MYRIP: variants seen among roughly 807,000 people sequenced by gnomAD.
The protein encoded by MYRIP is myosin VIIA and Rab interacting protein.
A neutral mutation model predicts 98.0 loss-of-function variants in MYRIP; 49 were observed. The ratio of observed to expected loss-of-function variants is 0.50; its 90% confidence interval spans 0.40 to 0.63. The LOEUF is 0.63. Ranked by LOEUF, MYRIP falls within the 30% of genes least tolerant of loss-of-function variation. The pLI is 0.00. For missense variants in MYRIP, 1,004 were observed against 1,058.2 expected, an observed-to-expected ratio of 0.95 and a Z score of 0.71; for synonymous variants, 404 against 409.5, an observed-to-expected ratio of 0.99 and a Z score of 0.16.
chr3:39,947,690 C>T (rs1006824856), intron 2 of MYRIP, among the ~76,000 whole-genome samples: 48 of 152,250 alleles, frequency 3.2e-4, no homozygotes, highest in Admixed American at 3.1e-3. Flanking sequence ...ATCACTTGAA[C>T]CTGGTAATTT....
chr3:39,817,566 T>G (rs540745998), intron 1 of MYRIP, among the ~76,000 whole-genome samples: 46 of 152,330 alleles, frequency 3.0e-4, no homozygotes, highest in South Asian at 1.5e-3. Context: ...AATAATATAT[T>G]TAATTCAGTA....
At chr3:39,870,498 C>G (rs1176595788) in intron 1 of MYRIP, among the ~76,000 whole-genome samples, 1 of 152,180 alleles carries the variant, frequency 6.6e-6, no homozygotes, top group Non-Finnish European at 1.5e-5. Context: ...GGCTATAGAA[C>G]TGCCTTAAGG....
chr3:40,038,709 T>C (rs1947438765), intron 2 of MYRIP, among the ~76,000 whole-genome samples: 1 of 151,854 alleles, frequency 6.6e-6, no homozygotes, highest in South Asian at 2.1e-4. Flanking sequence ...AATTTAAAAA[T>C]ATGGGGACAG....
At chr3:39,882,474 A>G (rs1395269466) in intron 1 of MYRIP, among the ~76,000 whole-genome samples, 1 of 152,170 alleles carries the variant, frequency 6.6e-6, no homozygotes, top group Non-Finnish European at 1.5e-5. Flanking sequence ...ATTATTTTAA[A>G]TATTATTTTA....
chr3:39,814,333 T>C (rs999165466), intron 1 of MYRIP, among the ~76,000 whole-genome samples: 2 of 152,208 alleles, frequency 1.3e-5, no homozygotes, highest in Non-Finnish European at 2.9e-5. Flanking sequence ...TTACTGCTCT[T>C]TTACTTTGCA....
At chr3:39,902,084 GTTTTT>G (rs1943756157) in intron 2 of MYRIP, among the ~76,000 whole-genome samples, 1 of 152,136 alleles carries the variant, frequency 6.6e-6, no homozygotes, top group Non-Finnish European at 1.5e-5. Flanking sequence ...CGTCCCCAAG[GTTTTT>G]TGGCATAGGA....
intron 1 of MYRIP, among the ~76,000 whole-genome samples, chr3:39,871,540 G>A (rs998578997): frequency 2.0e-5 from 3 of 152,122 alleles, no homozygotes; most frequent in Non-Finnish European, 4.4e-5. Context: ...CCCAGTGACA[G>A]TGGTCAACTT....
At chr3:40,164,945 C>T (rs1355277557) in intron 5 of MYRIP, among the ~76,000 whole-genome samples, 1 of 152,196 alleles carries the variant, frequency 6.6e-6, no homozygotes, top group African/African-American at 2.4e-5. Context: ...TACATGAGAG[C>T]ATGGACTCAG....
intron 8 of MYRIP, among the ~76,000 whole-genome samples, chr3:40,181,686 T>C (rs1474177475): frequency 6.6e-6 from 1 of 152,232 alleles, no homozygotes; most frequent in Non-Finnish European, 1.5e-5. Context: ...ATTATATATC[T>C]ATAATGCAAT....
intron 2 of MYRIP, among the ~76,000 whole-genome samples, chr3:39,974,101 T>A (rs893412345): frequency 3.3e-5 from 5 of 152,004 alleles, no homozygotes; most frequent in Non-Finnish European, 7.4e-5. Context: ...AAAAAATCAA[T>A]GAATCCAGGA....
intron 1 of MYRIP, among the ~76,000 whole-genome samples, chr3:39,842,246 T>G (rs752624545): frequency 6.6e-6 from 1 of 152,134 alleles, no homozygotes; most frequent in Non-Finnish European, 1.5e-5. Flanking sequence ...TCCAGGTGGC[T>G]TCGTTTATAC....
chr3:39,991,452 C>T (rs963504199), intron 2 of MYRIP, among the ~76,000 whole-genome samples: 6 of 152,276 alleles, frequency 3.9e-5, no homozygotes, highest in African/African-American at 1.2e-4. Flanking sequence ...GTGCTGATGT[C>T]CATTTGGACA....
chr3:40,014,129 CTG>C (rs1400807873), intron 2 of MYRIP, among the ~76,000 whole-genome samples: 2 of 152,134 alleles, frequency 1.3e-5, no homozygotes, highest in East Asian at 1.9e-4. Context: ...TCCTGTGAAA[CTG>C]TGATGATTTA....
At chr3:39,854,072 T>G (rs1942216012) in intron 1 of MYRIP, among the ~76,000 whole-genome samples, 1 of 152,182 alleles carries the variant, frequency 6.6e-6, no homozygotes. Context: ...AGTATTTGGC[T>G]TTATTTTGGG....
intron 3 of MYRIP, among the ~76,000 whole-genome samples, chr3:40,058,110 G>C (rs1947919634): frequency 6.6e-6 from 1 of 152,158 alleles, no homozygotes; most frequent in Non-Finnish European, 1.5e-5. Context: ...TTCTCAATGT[G>C]TAGTACTTCT....
intron 2 of MYRIP, among the ~76,000 whole-genome samples, chr3:39,937,097 A>T (rs1944670560): frequency 6.6e-6 from 1 of 152,014 alleles, no homozygotes; most frequent in African/African-American, 2.4e-5. Flanking sequence ...TCTTGCTCCA[A>T]CCCAGGTTAA....
At chr3:40,054,095 A>G (rs1025401533) in intron 3 of MYRIP, among the ~76,000 whole-genome samples, 2 of 152,176 alleles carry the variant, frequency 1.3e-5, no homozygotes, top group African/African-American at 4.8e-5. Context: ...TGGACCACAG[A>G]GGATGAGTTG....
At chr3:39,828,068 C>G (rs907475084) in intron 1 of MYRIP, among the ~76,000 whole-genome samples, 3 of 151,878 alleles carry the variant, frequency 2.0e-5, no homozygotes, top group African/African-American at 7.3e-5. Flanking sequence ...TGGAAAGGAC[C>G]TGTTTGAGTG....
Position 40,251,913 on chromosome 3 carries a change from A to G in MYRIP, c.2461A>G (p.Ile821Val). The G allele has an allele frequency of 1.2e-6, 2 of 1,613,746 alleles. No individual in the cohort carries two copies. The highest frequency in any genetic ancestry group is 8.5e-7 in the Non-Finnish European group (1 of 1,179,666). The change falls in exon 16 of 17, where the codon ATT (isoleucine) becomes GTT (valine). Residue 821 changes from isoleucine to valine, a missense_variant. Coordinates refer to ENST00000302541, the MANE Select transcript of MYRIP (RefSeq NM_015460.4). ...EKIETSSVTTIKTFNHNFILQ... is the reference protein window; with the variant it reads ...EKIETSSVTTVKTFNHNFILQ... ...AATTGAGACATCTTCAGTGACTACC[A>G]TTAAAACATTTAACCACAACTTCAT...
Sources: allele counts gnomAD v4.1 joint callset (sites outside exome capture counted in the v4.1 genomes callset), GRCh38; gene constraint gnomAD v4.1.1; transcripts MANE v1.5; gene names NCBI Gene and HGNC (gene_info 2026-07-23, HGNC 2026-07-21).